Variants in SIRPD observed in about 807,000 individuals in gnomAD.
SIRPD encodes signal-regulatory protein delta.
Under a neutral mutation model 18.0 loss-of-function variants are expected in SIRPD, and 21 were observed. The ratio of observed to expected loss-of-function variants is 1.17; its 90% CI spans 0.83 to 1.68. The LOEUF is 1.68. Among genes scored for constraint, SIRPD ranks in the 40% most tolerant of loss-of-function variants. The probability of loss-of-function intolerance (pLI) is 0.00; values close to 1 mark genes in which losing one functional copy is unlikely to be tolerated. For synonymous variants in SIRPD, 106 were observed against 92.9 expected (o/e 1.14, Z -0.81); for missense variants, 295 against 238.4 (o/e 1.24, Z -1.56).
At chr20:1,545,554 T>C (rs373579394) in intron 2 of SIRPD, among the ~76,000 whole-genome samples, 42 of 152,310 alleles carry the variant, frequency 2.8e-4, no homozygotes, top group African/African-American at 9.1e-4. Context: ...TTGCATTGGG[T>C]TAGAACATGC....
Position 1,537,249 on chromosome 20 carries a change from A to G in SIRPD, c.483T>C (p.His161=), listed in dbSNP as rs764845850. 3 of 1,614,090 alleles carry G rather than the reference A, an allele frequency of 1.9e-6. No individual in the cohort carries two copies. Among genetic ancestry groups the G allele is most frequent in the East Asian group, 2.2e-5 (1 of 44,856 alleles). The change falls in exon 3 of 4, where the codon CAT becomes CAC. Residue 161 remains histidine, a synonymous_variant. Coordinates refer to ENST00000381623, the MANE Select transcript of SIRPD (RefSeq NM_178460.3). ...GGGCCGAGAGGCAGGTATGGGCATC[A>G]TGGTGGGCCCTGGAGCCTGCTCTGC... is the stretch of plus-strand genomic sequence containing the variant. ...PAGRAGSRAH[H]DAHTCLSALP...
In SIRPD at chr20:1,542,856, T is replaced by C. The variant is rs148346615; in HGVS notation, c.422-5546A>G. ...TTTTAGCATGAAGGGTGTTGAATTT[T>C]ATTGAAGGCCTTTTCTGCATCTATT... On this transcript the variant is annotated intron_variant, in intron 2 of 3. Transcript: ENST00000381623. Among the ~76,000 whole-genome samples, 1,391 of 152,332 alleles carry C rather than the reference T, an allele frequency of 9.1e-3. 21 individuals carry two copies. Among genetic ancestry groups the C allele is most frequent in the African/African-American group, 0.033 (1,357 of 41,566 alleles).
intron 3 of SIRPD, among the ~76,000 whole-genome samples, chr20:1,536,402 G>GTT (rs11340259): frequency 2.2e-5 from 3 of 137,242 alleles, no homozygotes; most frequent in African/African-American, 5.4e-5. Context: ...CCGGCCTGTC[G>GTT]TTTTTTTTTT....
At chr20:1,548,970 C>T (rs915206887) in intron 2 of SIRPD, among the ~76,000 whole-genome samples, 16 of 152,052 alleles carry the variant, frequency 1.1e-4, no homozygotes, top group African/African-American at 3.4e-4. Flanking sequence ...TACATGTATG[C>T]GGTGTGCTTA....
chr20:1,552,559 T>C (rs2249431), intron 1 of SIRPD, among the ~76,000 whole-genome samples: 25,950 of 152,096 alleles, frequency 0.17, 2,913 homozygotes, highest in Non-Finnish European at 0.25. Flanking sequence ...CAACAGCATA[T>C]GGTTCCACTA....
At chr20:1,547,274 C>T (rs1484299980) in intron 2 of SIRPD, among the ~76,000 whole-genome samples, 1 of 152,154 alleles carries the variant, frequency 6.6e-6, no homozygotes, top group African/African-American at 2.4e-5. Context: ...TGCTTCTTTC[C>T]TCATTATCAC....
At chr20:1,544,495 T>C (rs369733561) in intron 2 of SIRPD, among the ~76,000 whole-genome samples, 1 of 152,086 alleles carries the variant, frequency 6.6e-6, no homozygotes, top group Non-Finnish European at 1.5e-5. Flanking sequence ...TCCCTTTATT[T>C]TGAGCCTATG....
intron 1 of SIRPD, among the ~76,000 whole-genome samples, chr20:1,554,549 A>G (rs990668427): frequency 1.4e-4 from 21 of 152,224 alleles, no homozygotes; most frequent in African/African-American, 4.6e-4. Flanking sequence ...TAGGCACTAA[A>G]TAAACATATT....
chr20:1,537,215 T>C lies in SIRPD; in HGVS notation c.517A>G (p.Arg173Gly), dbSNP rs2090950061. ...TGGACGAAATAGTTTGTGCTGTTTC[T>C]CTCAGGCAGGGCCGAGAGGCAGGTA... ...AHTCLSALPE[R>G]NSTNYFVQPC... Residue 173 changes from arginine to glycine, a missense_variant, in exon 3 of 4, where the codon AGA (arginine) becomes GGA (glycine). Coordinates refer to ENST00000381623, the MANE Select transcript of SIRPD (RefSeq NM_178460.3). 6.2e-7 allele frequency: 1 copy of C among 1,614,000 alleles called. No homozygotes were observed. The highest frequency in any genetic ancestry group is 1.7e-5 in the Admixed American group (1 of 60,008).
At chr20:1,546,444 A>G (rs2090993915) in intron 2 of SIRPD, among the ~76,000 whole-genome samples, 1 of 152,216 alleles carries the variant, frequency 6.6e-6, no homozygotes, top group South Asian at 2.1e-4. Context: ...ATAGCCTAAT[A>G]ATATTCCACT....
rs58116184 is a variant in SIRPD, at chr20:1,549,525, G to A, written c.421+2166C>T. Among the ~76,000 whole-genome samples, 1,384 of 151,920 alleles carry A rather than the reference G, an allele frequency of 9.1e-3. 21 individuals carry two copies. Among genetic ancestry groups the A allele is most frequent in the African/African-American group, 0.033 (1,350 of 41,426 alleles). ...CCACCGAGGCTTGTTATTGTCATCT[G>A]CTTGTACAGTTGTTGAGTGACTGGA... On this transcript the variant is annotated intron_variant, in intron 2 of 3. Coordinates refer to ENST00000381623, the MANE Select transcript of SIRPD (RefSeq NM_178460.3).
intron 3 of SIRPD, among the ~76,000 whole-genome samples, chr20:1,536,716 A>G (rs1425527462): frequency 1.3e-5 from 2 of 152,094 alleles, no homozygotes; most frequent in Non-Finnish European, 2.9e-5. Flanking sequence ...TTAATCACCT[A>G]TGCATCCATG....
At chr20:1,535,682 T>C (rs2090942096) in intron 3 of SIRPD, among the ~76,000 whole-genome samples, 1 of 152,200 alleles carries the variant, frequency 6.6e-6, no homozygotes, top group Non-Finnish European at 1.5e-5. Context: ...AATAGGTTCT[T>C]TTTCTTTATA....
intron 2 of SIRPD, among the ~76,000 whole-genome samples, chr20:1,544,378 C>CT (rs373589847): frequency 6.6e-4 from 100 of 150,776 alleles, no homozygotes; most frequent in African/African-American, 2.3e-3. Flanking sequence ...CCTTCTTTGT[C>CT]TTTTTTGATC....
At position 1,534,649 on chromosome 20, in the gene SIRPD, ACAGT is replaced by A. The variant is rs1466483012; in HGVS notation, c.578-212_578-209del. On this transcript the variant is annotated intron_variant, in intron 3 of 3. Coordinates refer to ENST00000381623, the MANE Select transcript of SIRPD (RefSeq NM_178460.3). The stretch of plus-strand genomic sequence containing the variant: ...TCTCTCTAGATGGCAATACAGCATC[ACAGT>A]CATGATCTTATGATCTATGTCCACG... Among the ~76,000 whole-genome samples the A allele has an allele frequency of 2.0e-5, 3 of 152,322 alleles. No individual in the cohort carries two copies. In the East Asian group the frequency reaches 5.8e-4, roughly 29 times the overall value.
In SIRPD at chr20:1,557,596, G is replaced by GC. The variant is rs757242767; in HGVS notation, c.57dup (p.Leu20AlafsTer3). On this transcript the variant is annotated frameshift_variant, in exon 1 of 4. Coordinates refer to ENST00000381623, the MANE Select transcript of SIRPD (RefSeq NM_178460.3). LOFTEE classifies it high-confidence loss of function. ...CCCCACTCACCTGCCAGTTCAAGCA[G>GC]CAGATACAGCAGTAAGGAAGGCAGA... 1.1e-5 allele frequency: 17 copies of GC among 1,585,408 alleles called. No individual in the cohort carries two copies. The highest frequency in any genetic ancestry group is 1.8e-5 in the Admixed American group (1 of 56,200).
At chr20:1,555,460 A>G (rs1402549127) in intron 1 of SIRPD, among the ~76,000 whole-genome samples, 3 of 152,228 alleles carry the variant, frequency 2.0e-5, no homozygotes, top group African/African-American at 7.2e-5. Context: ...CATACTTCAA[A>G]CTAGCTAAAA....
intron 2 of SIRPD, among the ~76,000 whole-genome samples, chr20:1,550,760 A>T (rs1329285190): frequency 6.6e-6 from 1 of 152,204 alleles, no homozygotes; most frequent in Non-Finnish European, 1.5e-5. Context: ...TACACTCCTG[A>T]AATCTCCCTG....
chr20:1,544,964 C>T (rs558199617), intron 2 of SIRPD, among the ~76,000 whole-genome samples: 9 of 152,222 alleles, frequency 5.9e-5, no homozygotes, highest in South Asian at 2.1e-4. Flanking sequence ...CTGGCTTGTA[C>T]GGTTTCTGAA....
Sources: allele counts gnomAD v4.1 joint callset (sites outside exome capture counted in the v4.1 genomes callset), GRCh38; gene constraint gnomAD v4.1.1; transcripts MANE v1.5; gene names NCBI Gene and HGNC (gene_info 2026-07-23, HGNC 2026-07-21).